Variants in EFCAB6 observed in about 807,000 individuals in gnomAD.
EFCAB6 encodes the protein EF-hand calcium binding domain 6.
EFCAB6 carries 156 observed loss-of-function variants against 169.8 expected under a neutral mutation model. The observed-to-expected ratio is 0.92, with a 90% confidence interval of 0.81 to 1.05. The LOEUF is 1.05. Ranked by LOEUF, EFCAB6 falls within the 50% of genes least tolerant of loss-of-function variation. EFCAB6 has a pLI of 0.00. For synonymous variants in EFCAB6, 698 were observed against 676.4 expected (o/e 1.03, Z -0.50); for missense variants, 1,800 against 1,829.1 (o/e 0.98, Z 0.29).
intron 17 of EFCAB6, among the ~76,000 whole-genome samples, chr22:43,661,350 C>A (rs2056993874): frequency 6.6e-6 from 1 of 152,102 alleles, no homozygotes; most frequent in Non-Finnish European, 1.5e-5. Context: ...GCACTCCAGC[C>A]TGGGAGACAA....
intron 6 of EFCAB6, among the ~76,000 whole-genome samples, chr22:43,736,734 G>A (rs540551517): frequency 6.6e-6 from 1 of 152,220 alleles, no homozygotes; most frequent in East Asian, 1.9e-4. Context: ...GAAACACAGA[G>A]CTGTGTGATG....
chr22:43,691,539 A>G (rs950059214), intron 10 of EFCAB6, among the ~76,000 whole-genome samples: 1 of 152,168 alleles, frequency 6.6e-6, no homozygotes, highest in Non-Finnish European at 1.5e-5. Flanking sequence ...TGGTACTTGA[A>G]TAAGAATGAA....
rs777616724 is a variant in EFCAB6, at chr22:43,615,905, G to T, written c.2483C>A (p.Ala828Glu). 10 of 1,612,846 alleles carry T rather than the reference G, an allele frequency of 6.2e-6. No individual in the cohort carries two copies. Among genetic ancestry groups the T allele is most frequent in the Non-Finnish European group, 8.5e-6 (10 of 1,179,630 alleles). The change falls in exon 21 of 32, where the codon GCG (alanine) becomes GAG (glutamate). Residue 828 changes from alanine to glutamate, a missense_variant. Coordinates refer to ENST00000262726, the MANE Select transcript of EFCAB6 (RefSeq NM_022785.4). ...CTGCTCACAAGCTAGTTCTGAATCC[G>T]CAACCTTCTGTTTTGGTCTTAAAAG... ...QRLIRPKQKVADSELACEQAH... is the reference protein window; with the variant it reads ...QRLIRPKQKVEDSELACEQAH...
chr22:43,781,696 T>A (rs541636718), intron 3 of EFCAB6, among the ~76,000 whole-genome samples: 1 of 152,192 alleles, frequency 6.6e-6, no homozygotes, highest in South Asian at 2.1e-4. Flanking sequence ...TGAACCCTAA[T>A]GTAAACTAAG....
chr22:43,663,464 T>C lies in EFCAB6; in HGVS notation c.1983+3640A>G, dbSNP rs117536088. ...ATGATAATTTATATTTACATAATGC[T>C]TTATAGCTTATGAAGTGCAAACCCA... On this transcript the variant is annotated intron_variant, in intron 17 of 31. Coordinates refer to ENST00000262726, the MANE Select transcript of EFCAB6 (RefSeq NM_022785.4). Among the ~76,000 whole-genome samples the C allele has an allele frequency of 4.2e-3, 642 of 152,334 alleles. 3 individuals are homozygous for C. Among genetic ancestry groups the C allele is most frequent in the East Asian group, 0.031 (163 of 5,176 alleles).
chr22:43,789,959 A>G (rs1040293500), intron 2 of EFCAB6, among the ~76,000 whole-genome samples: 1 of 152,146 alleles, frequency 6.6e-6, no homozygotes, highest in African/African-American at 2.4e-5. Flanking sequence ...ATGGATGTGG[A>G]TGGCACTATA....
chr22:43,622,159 C>T (rs992326578), intron 20 of EFCAB6, among the ~76,000 whole-genome samples: 1 of 152,178 alleles, frequency 6.6e-6, no homozygotes, highest in Non-Finnish European at 1.5e-5. Context: ...AGGAATACTC[C>T]CAGTTCATTT....
intron 2 of EFCAB6, among the ~76,000 whole-genome samples, chr22:43,786,715 A>T (rs889701942): frequency 6.6e-6 from 1 of 152,034 alleles, no homozygotes; most frequent in Non-Finnish European, 1.5e-5. Flanking sequence ...CTCCATAAAA[A>T]AAATAAATAA....
intron 2 of EFCAB6, among the ~76,000 whole-genome samples, chr22:43,787,364 ACACACAC>A: frequency 6.6e-6 from 1 of 151,746 alleles, no homozygotes; most frequent in Non-Finnish European, 1.5e-5. Flanking sequence ...ACACACACAC[ACACACAC>A]ACACACACAC....
At chr22:43,564,615 G>A (rs2049306251) in intron 26 of EFCAB6, among the ~76,000 whole-genome samples, 1 of 152,304 alleles carries the variant, frequency 6.6e-6, no homozygotes, top group Non-Finnish European at 1.5e-5. Context: ...GCCCTGAGGT[G>A]AGAGTTAAGC....
In EFCAB6 at chr22:43,628,323, G is replaced by A. The variant is rs190707329; in HGVS notation, c.2233-1644C>T. ...CACATCCAGTCTGCCCACACATCCC[G>A]CTGGCTCTCCCTTCAGAGTGCATTA... is the stretch of plus-strand genomic sequence containing the variant. On this transcript the variant is annotated intron_variant, in intron 19 of 31. Coordinates refer to ENST00000262726, the MANE Select transcript of EFCAB6 (RefSeq NM_022785.4). The surrounding 1 kb of genome is among the most constrained non-coding windows in gnomAD (Gnocchi z 4.8). Among the ~76,000 whole-genome samples, 7 of 152,028 alleles carry A rather than the reference G, an allele frequency of 4.6e-5. No homozygotes were observed. The highest frequency in any genetic ancestry group is 3.9e-4 in the East Asian group (2 of 5,148).
intron 8 of EFCAB6, among the ~76,000 whole-genome samples, chr22:43,721,825 CA>C (rs1226215560): frequency 1.3e-5 from 2 of 152,124 alleles, no homozygotes; most frequent in African/African-American, 2.4e-5. Context: ...TTCTCAACAT[CA>C]GCCTTGGCAA....
At chr22:43,545,133 T>G (rs538938064) in intron 27 of EFCAB6, among the ~76,000 whole-genome samples, 1 of 151,784 alleles carries the variant, frequency 6.6e-6, no homozygotes, top group African/African-American at 2.4e-5. Flanking sequence ...GGCAACAGAG[T>G]GAGACTCCAT....
chr22:43,563,896 C>A (rs923311384), intron 26 of EFCAB6, among the ~76,000 whole-genome samples: 3 of 152,242 alleles, frequency 2.0e-5, no homozygotes, highest in African/African-American at 7.2e-5. Flanking sequence ...AGTGGCCATG[C>A]CACAGAACTG....
intron 2 of EFCAB6, among the ~76,000 whole-genome samples, chr22:43,794,091 G>A (rs979266800): frequency 1.3e-5 from 2 of 152,064 alleles, no homozygotes; most frequent in Admixed American, 6.6e-5. Context: ...CCAGCCATCT[G>A]TATTTAATAA....
Position 43,587,088 on chromosome 22 carries a change from T to A in EFCAB6, c.3032+2986A>T, listed in dbSNP as rs138599443. On this transcript the variant is annotated intron_variant, in intron 24 of 31. Coordinates refer to ENST00000262726, the MANE Select transcript of EFCAB6 (RefSeq NM_022785.4). ...TCTGGAACTGATGATATCAGGTATA[T>A]CTAGAAGTGGAGCTAAAGGAGGAGT... 2.6e-3 allele frequency among the ~76,000 whole-genome samples: 390 copies of A among 152,250 alleles called. 3 individuals carry two copies. Among genetic ancestry groups the A allele is most frequent in the South Asian group, 3.5e-3 (17 of 4,814 alleles).
intron 13 of EFCAB6, among the ~76,000 whole-genome samples, chr22:43,672,769 T>C (rs2057548908): frequency 6.6e-6 from 1 of 152,044 alleles, no homozygotes; most frequent in Non-Finnish European, 1.5e-5. Context: ...TAATAACTAA[T>C]GGGTACTAGG....
intron 23 of EFCAB6, among the ~76,000 whole-genome samples, chr22:43,596,407 A>G (rs1211248459): frequency 6.6e-6 from 1 of 152,174 alleles, no homozygotes; most frequent in Non-Finnish European, 1.5e-5. Flanking sequence ...AAGTTTTAGG[A>G]TACGAAATCA....
intron 10 of EFCAB6, among the ~76,000 whole-genome samples, chr22:43,692,108 A>T (rs1323700433): frequency 6.6e-6 from 1 of 150,472 alleles, no homozygotes; most frequent in Non-Finnish European, 1.5e-5. Flanking sequence ...TATCTAACTC[A>T]CCAAAATTCT....
Sources: gnomAD v4.1 joint callset for allele counts (sites outside exome capture counted in the v4.1 genomes callset) on GRCh38, gnomAD v4.1.1 for gene constraint, Gnocchi (gnomAD v3.1) non-coding constraint, MANE v1.5 for transcripts, NCBI Gene and HGNC (gene_info 2026-07-23, HGNC 2026-07-21) for gene names.